Variants in KCNAB2 observed in about 807,000 individuals in gnomAD.
KCNAB2 encodes the protein voltage-gated potassium channel subunit beta-2.
KCNAB2 carries 29 observed loss-of-function variants against 63.6 expected under a neutral mutation model. That is an observed-to-expected ratio of 0.46 (90% CI 0.34 to 0.62). The LOEUF (loss-of-function observed/expected upper bound fraction) is 0.62, where lower values mean the gene tolerates loss of function less well. Ranked by LOEUF, KCNAB2 falls within the 20% of genes least tolerant of loss-of-function variation. The pLI, the probability that KCNAB2 is intolerant of heterozygous loss-of-function variation, is 0.01. For synonymous variants in KCNAB2, 222 were observed against 224.2 expected (o/e 0.99, Z 0.09); for missense variants, 359 against 563.9 (o/e 0.64, Z 3.68).
At chr1:6,063,286 G>C (rs1318975299) in intron 2 of KCNAB2, among the ~76,000 whole-genome samples, 1 of 151,732 alleles carries the variant, frequency 6.6e-6, no homozygotes, top group Non-Finnish European at 1.5e-5. Context: ...GCCTCCCAAA[G>C]TTCTGGGATT....
Position 6,003,443 on chromosome 1 carries a change from A to G in KCNAB2, c.-53+10655A>G, listed in dbSNP as rs1402131229. Reference sequence around the variant, plus strand: ...CCCTGCAGACACGCAGGCACCGTCCACCTTCTCCACTCTTAGCGCGAGCCC... The same window carrying G: ...CCCTGCAGACACGCAGGCACCGTCCGCCTTCTCCACTCTTAGCGCGAGCCC... On this transcript the variant is annotated intron_variant, in intron 1 of 16. Coordinates refer to the KCNAB2 transcript ENST00000341524. The surrounding 1 kb of genome is among the most constrained non-coding windows in gnomAD (Gnocchi z 4.1). 2.6e-5 allele frequency among the ~76,000 whole-genome samples: 4 copies of G among 152,062 alleles called. No individual in the cohort carries two copies. Among genetic ancestry groups the G allele is most frequent in the African/African-American group, 7.2e-5 (3 of 41,414 alleles).
Position 6,021,870 on chromosome 1 carries a change from G to A in KCNAB2, c.-52-18647G>A, listed in dbSNP as rs541365752. ...AAAGTGCAGTGGTATTGAGGGTATG[G>A]TTCAGTGGTATTGAGTGTACAGTTC... On this transcript the variant is annotated intron_variant, in intron 1 of 16. Transcript: ENST00000341524. Among the ~76,000 whole-genome samples the A allele has an allele frequency of 3.3e-5, 5 of 152,094 alleles. No individual in the cohort carries two copies. The East Asian group carries it at 9.7e-4, about 29-fold the overall frequency.
Position 6,098,884 on chromosome 1 carries a change from T to G in KCNAB2, c.*310T>G. 7.4e-6 allele frequency: 2 copies of G among 269,828 alleles called. No individual in the cohort carries two copies. Among genetic ancestry groups the G allele is most frequent in the Non-Finnish European group, 1.4e-5 (2 of 142,214 alleles). The allele number at this position is 269,828 out of a possible 1,614,324, so 16.7% of individuals were successfully genotyped here. A position where few individuals can be genotyped will look rare whatever the true frequency, so the allele number is the denominator to read the frequency against. On this transcript the variant is annotated 3_prime_UTR_variant, in exon 16 of 16. Coordinates refer to ENST00000378083, the MANE Select transcript of KCNAB2 (RefSeq NM_001199862.2). ...AGCTTTCTCCCAGCCACAGCCAAGA[T>G]TCCCAAAGTCAAGGCCCAAAGATTT...
chr1:6,016,467 G>T (rs1313128742), intron 1 of KCNAB2, among the ~76,000 whole-genome samples: 1 of 152,268 alleles, frequency 6.6e-6, no homozygotes, highest in Non-Finnish European at 1.5e-5. Flanking sequence ...GGGCTTTCAA[G>T]ACAGAGCATC....
Position 6,069,939 on chromosome 1 carries a change from C to T in KCNAB2, c.219-2816C>T, listed in dbSNP as rs2100642445. 6.6e-6 allele frequency among the ~76,000 whole-genome samples: 1 copy of T among 152,266 alleles called. No homozygotes were observed. Among genetic ancestry groups the T allele is most frequent in the Admixed American group, 6.5e-5 (1 of 15,292 alleles). ...GGGGAAGTGGGCCCATTTCCCAACACTCAGACCAGGAACAGATATGGAATC... is the reference window on the plus strand; with the variant it reads ...GGGGAAGTGGGCCCATTTCCCAACATTCAGACCAGGAACAGATATGGAATC... On this transcript the variant is annotated intron_variant, in intron 2 of 15. Transcript: ENST00000378083. The surrounding 1 kb of genome is among the most constrained non-coding windows in gnomAD (Gnocchi z 5.4).
intron 1 of KCNAB2, among the ~76,000 whole-genome samples, chr1:6,004,459 A>C (rs1657439252): frequency 6.6e-6 from 1 of 152,038 alleles, no homozygotes; most frequent in Non-Finnish European, 1.5e-5. Flanking sequence ...TGGATCAGGA[A>C]GCCAGAAGGC....
At chr1:6,045,274 C>G (rs1455368504), upstream of KCNAB2, among the ~76,000 whole-genome samples, 1 of 152,214 alleles carries the variant, frequency 6.6e-6, no homozygotes, top group Non-Finnish European at 1.5e-5. This position sits in a 1 kb window ranked among gnomAD's most constrained non-coding sequence, Gnocchi z 4.8. Flanking sequence ...CGCGCTTTCT[C>G]AGCCGGAAGA....
chr1:6,038,167 A>G lies in KCNAB2; in HGVS notation c.-52-2350A>G, dbSNP rs561767210. On this transcript the variant is annotated intron_variant, in intron 1 of 15. Coordinates refer to the KCNAB2 transcript ENST00000164247. ...TCTGGGATTACAGGTGTGATCCACC[A>G]TGCCTGGCCCAAATGAGGGTCTTTA... Among the ~76,000 whole-genome samples, 11 of 151,932 alleles carry G rather than the reference A, an allele frequency of 7.2e-5. 1 individual carries two copies. Among genetic ancestry groups the G allele is most frequent in the South Asian group, 2.1e-4 (1 of 4,808 alleles).
rs913800046 is a variant in KCNAB2 at position 6,087,173 on chromosome 1, C to T, written c.426-294C>T. Among the ~76,000 whole-genome samples the T allele has an allele frequency of 2.6e-5, 4 of 152,104 alleles. No individual in the cohort carries two copies. The highest frequency in any genetic ancestry group is 6.5e-5 in the Admixed American group (1 of 15,270). ...CCAGGCCCCCCTCCCACATCCTGGGCGGAAGGCATCTCCTCCGGACTCCGG... is the reference window on the plus strand; with the variant it reads ...CCAGGCCCCCCTCCCACATCCTGGGTGGAAGGCATCTCCTCCGGACTCCGG... On this transcript the variant is annotated intron_variant, in intron 6 of 15. Coordinates refer to ENST00000378083, the MANE Select transcript of KCNAB2 (RefSeq NM_001199862.2). The surrounding 1 kb of genome is among the most constrained non-coding windows in gnomAD (Gnocchi z 6.4).
chr1:6,090,399 T>C lies in KCNAB2; in HGVS notation c.525T>C (p.Ala175=), dbSNP rs768615295. ...SRKHIIEGLK[A]SLERLQLEYV... is the part of the protein sequence containing the mutation. ...CTGGTCCTCCCCCAGGTCTGAAAGC[T>C]TCCCTGGAGCGACTGCAGCTGGAGT... The change falls in exon 9 of 16, where the codon GCT becomes GCC. Residue 175 remains alanine (A), a synonymous_variant. Transcript: ENST00000378083. The C allele has an allele frequency of 6.2e-7, 1 of 1,613,604 alleles. No individual in the cohort carries two copies. Among genetic ancestry groups the C allele is most frequent in the South Asian group, 1.1e-5 (1 of 91,064 alleles).
intron 10 of KCNAB2, among the ~76,000 whole-genome samples, chr1:6,093,987 C>T (rs1232835671): frequency 3.3e-5 from 5 of 152,272 alleles, no homozygotes; most frequent in East Asian, 1.9e-4. Flanking sequence ...CTGACTGTAA[C>T]GTTCATGCAT....
At position 6,028,534 on chromosome 1, in the gene KCNAB2, A is replaced by G. The variant is rs552345441; in HGVS notation, c.-52-11983A>G. Among the ~76,000 whole-genome samples the G allele has an allele frequency of 1.3e-5, 2 of 152,308 alleles. No individual in the cohort carries two copies. The highest frequency in any genetic ancestry group is 6.5e-5 in the Admixed American group (1 of 15,298). On this transcript the variant is annotated intron_variant, in intron 1 of 16. Transcript: ENST00000341524. This position sits in a 1 kb window ranked among gnomAD's most constrained non-coding sequence, Gnocchi z 4.0. ...CCCAGGACGTCACACCTAGCCCAGAACAGCCCCCCTCTCTCCATCCCTTCT... is the reference window on the plus strand; with the variant it reads ...CCCAGGACGTCACACCTAGCCCAGAGCAGCCCCCCTCTCTCCATCCCTTCT...
rs1557484526 is a variant in KCNAB2 at position 6,073,833 on chromosome 1, G to A, written c.300+63G>A. ...CGGGCTCGCCAGAGCACATGGTTAA[G>A]TCTGCCGCGTGGACCAGTGAGCACG... On this transcript the variant is annotated intron_variant, in intron 4 of 15. Coordinates refer to ENST00000378083, the MANE Select transcript of KCNAB2 (RefSeq NM_001199862.2). The surrounding 1 kb of genome is among the most constrained non-coding windows in gnomAD (Gnocchi z 5.7). 1.2e-5 allele frequency: 18 copies of A among 1,531,504 alleles called. No homozygotes were observed. The allele number at this position is 1,531,504 out of a possible 1,614,324, so 94.9% of individuals were successfully genotyped here. A position where few individuals can be genotyped will look rare whatever the true frequency, so the allele number is the denominator to read the frequency against.
At chr1:6,064,612 C>T (rs754354845) in intron 2 of KCNAB2, among the ~76,000 whole-genome samples, 4 of 152,164 alleles carry the variant, frequency 2.6e-5, no homozygotes, top group Non-Finnish European at 5.9e-5. Context: ...GAATGGTTGC[C>T]ATCTGTGCCT....
chr1:6,087,397 C>G lies in KCNAB2; in HGVS notation c.426-70C>G, dbSNP rs566998610. 1.7e-5 allele frequency: 26 copies of G among 1,522,762 alleles called. No homozygotes were observed. The Middle Eastern group carries it at 5.1e-4, about 30-fold the overall frequency. The allele number at this position is 1,522,762 out of a possible 1,614,324, so 94.3% of individuals were successfully genotyped here. A position where few individuals can be genotyped will look rare whatever the true frequency, so the allele number is the denominator to read the frequency against. On this transcript the variant is annotated intron_variant, in intron 6 of 15. Transcript: ENST00000378083. The surrounding 1 kb of genome is among the most constrained non-coding windows in gnomAD (Gnocchi z 6.4). ...AGGACCTCTGTGTGAGAGATGAGGA[C>G]GTCGGGGATGAAGGAGGACCCCCCA...
At position 6,086,327 on chromosome 1, in the gene KCNAB2, TTCC is replaced by T; in HGVS notation, c.425+1085_425+1087del. ...TTGGCAACTCTGATCCCAAAACAAA[TTCC>T]TCCTCACCCTGTAATTAAACGAAAT... On this transcript the variant is annotated intron_variant, in intron 6 of 15. Transcript: ENST00000378083. The surrounding 1 kb of genome is among the most constrained non-coding windows in gnomAD (Gnocchi z 4.2). The T allele has an allele frequency of 1.0e-6, 1 of 982,736 alleles. No individual in the cohort carries two copies. The highest frequency in any genetic ancestry group is 1.2e-6 in the Non-Finnish European group (1 of 829,492). 60.9% of individuals were successfully genotyped at this position (982,736 alleles called of 1,614,324 possible).
intron 1 of KCNAB2, among the ~76,000 whole-genome samples, chr1:6,008,731 G>A (rs1057202966): frequency 2.0e-5 from 3 of 152,106 alleles, no homozygotes; most frequent in African/African-American, 7.2e-5. Flanking sequence ...TCAGGGAAGT[G>A]GCTGAGGGAG....
chr1:6,014,239 C>T (rs1236872936), intron 1 of KCNAB2, among the ~76,000 whole-genome samples: 1 of 152,180 alleles, frequency 6.6e-6, no homozygotes, highest in Non-Finnish European at 1.5e-5. Flanking sequence ...TGGGAGGGCA[C>T]TTCCTGGATG....
intron 4 of KCNAB2, among the ~76,000 whole-genome samples, chr1:6,075,888 C>T (rs1663618496): frequency 2.0e-5 from 3 of 152,232 alleles, no homozygotes; most frequent in Non-Finnish European, 4.4e-5. Flanking sequence ...AACAACTCCC[C>T]ATCCCCTGGT....
Sources: allele counts gnomAD v4.1 joint callset (sites outside exome capture counted in the v4.1 genomes callset), GRCh38; gene constraint gnomAD v4.1.1; non-coding constraint Gnocchi (gnomAD v3.1); transcripts MANE v1.5; gene names NCBI Gene and HGNC (gene_info 2026-07-23, HGNC 2026-07-21).